ROBO2: variants seen among roughly 807,000 people sequenced by gnomAD.
ROBO2 encodes roundabout homolog 2.
In ROBO2, 53 loss-of-function variants were observed where a neutral mutation model predicts 160.8. That is an observed-to-expected ratio of 0.33 (90% CI 0.26 to 0.41). ROBO2 has a LOEUF of 0.41. Ranked by LOEUF, ROBO2 falls within the 10% of genes least tolerant of loss-of-function variation. The pLI, the probability that ROBO2 is intolerant of heterozygous loss-of-function variation, is 1.00. For missense variants in ROBO2, 1,577 were observed against 1,722.4 expected (o/e 0.92, Z 1.49); for synonymous variants, 664 against 611.7 (o/e 1.09, Z -1.26).
intron 2 of ROBO2, among the ~76,000 whole-genome samples, chr3:77,423,707 T>TGATTATACA (rs1414264481): frequency 6.6e-6 from 1 of 152,178 alleles, no homozygotes; most frequent in East Asian, 1.9e-4. Context: ...CTACCACTAC[T>TGATTATACA]GATTATACAG....
chr3:75,990,777 G>T (rs771372224), intron 2 of ROBO2, among the ~76,000 whole-genome samples: 10 of 152,004 alleles, frequency 6.6e-5, no homozygotes, highest in Admixed American at 1.3e-4. Flanking sequence ...AATTTTTTGT[G>T]TTAACTTTGT....
chr3:76,476,926 G>T (rs1047070949), intron 2 of ROBO2, among the ~76,000 whole-genome samples: 1 of 152,168 alleles, frequency 6.6e-6, no homozygotes, highest in Admixed American at 6.5e-5. Context: ...GAATGGGGCC[G>T]AGTGGCATTG....
intron 2 of ROBO2, among the ~76,000 whole-genome samples, chr3:76,133,537 A>C (rs1412715266): frequency 6.6e-6 from 1 of 152,078 alleles, no homozygotes; most frequent in East Asian, 1.9e-4. Flanking sequence ...GGCCGTCTGC[A>C]AGCTGAGGAG....
chr3:77,043,502 C>T (rs1331823714), intron 1 of ROBO2, among the ~76,000 whole-genome samples: 1 of 152,090 alleles, frequency 6.6e-6, no homozygotes, highest in Non-Finnish European at 1.5e-5. Flanking sequence ...GTCCCTGTAG[C>T]AATCCATAGA....
chr3:76,709,733 T>C (rs1040866532), intron 2 of ROBO2, among the ~76,000 whole-genome samples: 4 of 152,206 alleles, frequency 2.6e-5, no homozygotes, highest in African/African-American at 9.6e-5. Context: ...GCCAGGGTAA[T>C]TAGTTTTCAG....
At chr3:77,051,034 A>AG (rs2065184864) in intron 1 of ROBO2, among the ~76,000 whole-genome samples, 1 of 148,946 alleles carries the variant, frequency 6.7e-6, no homozygotes, top group Non-Finnish European at 1.5e-5. Flanking sequence ...AAAAAAAAAA[A>AG]TTCATCAAAT....
intron 2 of ROBO2, among the ~76,000 whole-genome samples, chr3:77,221,103 C>G (rs2085727305): frequency 6.6e-6 from 1 of 152,132 alleles, no homozygotes; most frequent in Non-Finnish European, 1.5e-5. Context: ...GTTATATGAA[C>G]ACTGCAGACC....
rs2062619796 is a variant in ROBO2 at position 76,781,156 on chromosome 3, A to G, written c.110-316858A>G. Among the ~76,000 whole-genome samples, 9 of 150,754 alleles carry G rather than the reference A, an allele frequency of 6.0e-5. No individual in the cohort carries two copies. The South Asian group carries it at 1.9e-3, about 31-fold the overall frequency. On this transcript the variant is annotated intron_variant, in intron 2 of 26. Coordinates refer to the ROBO2 transcript ENST00000487694. ...TCCTTGGTTAAATGAATTCATAAGTATTTTATTCCTTTTGATGATATTATA... is the reference window on the plus strand; with the variant it reads ...TCCTTGGTTAAATGAATTCATAAGTGTTTTATTCCTTTTGATGATATTATA...
rs145637752 is a variant in ROBO2, at chr3:77,281,961, C to G, written c.388+183621C>G. 2.0e-5 allele frequency among the ~76,000 whole-genome samples: 3 copies of G among 152,284 alleles called. No homozygotes were observed. The East Asian group carries it at 5.8e-4, about 30-fold the overall frequency. On this transcript the variant is annotated intron_variant, in intron 2 of 25. Transcript: ENST00000461745. Reference sequence around the variant, plus strand: ...CTCCCTCCTGCTGTGCAGCCCGTTTCCTACCAGGCCACAGACCAGTATGAG... The same window carrying G: ...CTCCCTCCTGCTGTGCAGCCCGTTTGCTACCAGGCCACAGACCAGTATGAG...
chr3:76,131,440 G>A (rs2106675301), intron 2 of ROBO2, among the ~76,000 whole-genome samples: 1 of 152,174 alleles, frequency 6.6e-6, no homozygotes, highest in African/African-American at 2.4e-5. Context: ...TGAGATTGAG[G>A]TTTGCTCACA....
At chr3:75,934,307 A>G (rs1947674257) in intron 1 of ROBO2, among the ~76,000 whole-genome samples, 1 of 152,234 alleles carries the variant, frequency 6.6e-6, no homozygotes, top group East Asian at 1.9e-4. Flanking sequence ...TTAAAGAGCA[A>G]TAGGTACAAG....
At chr3:77,614,775 A>G (rs2094731348) in intron 21 of ROBO2, among the ~76,000 whole-genome samples, 1 of 151,808 alleles carries the variant, frequency 6.6e-6, no homozygotes, top group Non-Finnish European at 1.5e-5. Flanking sequence ...ACAAACAAAA[A>G]CCCTTTCTGT....
intron 2 of ROBO2, among the ~76,000 whole-genome samples, chr3:77,099,175 G>A (rs1218533268): frequency 3.4e-5 from 5 of 148,590 alleles, no homozygotes; most frequent in African/African-American, 4.9e-5. Flanking sequence ...GGGCTTAAGC[G>A]ATTCTCCTGT....
intron 2 of ROBO2, among the ~76,000 whole-genome samples, chr3:76,747,007 A>G (rs2093904926): frequency 6.6e-6 from 1 of 152,106 alleles, no homozygotes; most frequent in Non-Finnish European, 1.5e-5. Context: ...GCTGCATAGT[A>G]TTCCATGGTG....
intron 2 of ROBO2, among the ~76,000 whole-genome samples, chr3:77,131,784 A>G (rs568115215): frequency 2.0e-4 from 31 of 152,232 alleles, no homozygotes; most frequent in African/African-American, 7.5e-4. Context: ...TCTTTTTATA[A>G]TTTACTTGTG....
At chr3:76,183,991 T>C (rs1465991580) in intron 2 of ROBO2, among the ~76,000 whole-genome samples, 2 of 152,164 alleles carry the variant, frequency 1.3e-5, no homozygotes, top group African/African-American at 4.8e-5. Context: ...AGCAAAATGA[T>C]AGTAGTAAAA....
intron 2 of ROBO2, among the ~76,000 whole-genome samples, chr3:76,154,181 T>C (rs1310332035): frequency 2.6e-5 from 4 of 152,124 alleles, no homozygotes; most frequent in Non-Finnish European, 5.9e-5. Context: ...TAACGTTGTT[T>C]AAAAGTAGCA....
intron 2 of ROBO2, among the ~76,000 whole-genome samples, chr3:76,372,238 G>A (rs2076140263): frequency 6.6e-6 from 1 of 151,774 alleles, no homozygotes; most frequent in Admixed American, 6.6e-5. Flanking sequence ...ATCTTTATGT[G>A]CAGAGTCTAA....
chr3:77,093,428 A>C (rs981721037), intron 1 of ROBO2, among the ~76,000 whole-genome samples: 1 of 152,058 alleles, frequency 6.6e-6, no homozygotes, highest in African/African-American at 2.4e-5. Context: ...CAAATAATGG[A>C]GTTGTTTTAG....
Sources: allele counts gnomAD v4.1 joint callset (sites outside exome capture counted in the v4.1 genomes callset), GRCh38; gene constraint gnomAD v4.1.1; transcripts MANE v1.5; gene names NCBI Gene and HGNC (gene_info 2026-07-23, HGNC 2026-07-21).